Variants in TRPC7 observed in about 807,000 individuals in gnomAD.
TRPC7 encodes the protein transient receptor potential cation channel subfamily C member 7.
Under a neutral mutation model 90.1 loss-of-function variants are expected in TRPC7, and 42 were observed. The ratio of observed to expected loss-of-function variants is 0.47; its 90% CI spans 0.36 to 0.60. The LOEUF (loss-of-function observed/expected upper bound fraction) is 0.60, where lower values mean the gene tolerates loss of function less well. TRPC7 is among the 20% of genes least tolerant of loss of function. The probability of loss-of-function intolerance (pLI) is 0.00; values close to 1 mark genes in which losing one functional copy is unlikely to be tolerated. For missense variants in TRPC7, 955 were observed against 1,112.3 expected, an observed-to-expected ratio of 0.86 and a Z score of 2.01; for synonymous variants, 451 against 436.3, an observed-to-expected ratio of 1.03 and a Z score of -0.42.
chr5:136,315,947 A>T, intron 2 of TRPC7, 168 bp from the exon 3 acceptor site: 1 of 653,502 alleles, frequency 1.5e-6, no homozygotes, highest in Non-Finnish European at 2.6e-6. Flanking sequence ...AGGCGGGGCA[A>T]TTTCTCTTGA....
intron 2 of TRPC7, among the ~76,000 whole-genome samples, chr5:136,351,992 A>G (rs540932256): frequency 6.6e-6 from 1 of 152,282 alleles, no homozygotes; most frequent in Non-Finnish European, 1.5e-5. Flanking sequence ...TCAAAGGATA[A>G]ATTGCCTGTG....
rs1331308753 is a variant in TRPC7 at position 136,247,510 on chromosome 5, G to C, written c.1805C>G (p.Ser602Cys). 6.2e-7 allele frequency: 1 copy of C among 1,613,988 alleles called. No individual in the cohort carries two copies. The highest frequency in any genetic ancestry group is 1.1e-5 in the South Asian group (1 of 91,080). The change falls in exon 7 of 12, where the codon TCT becomes TGT. Residue 602 changes from serine to cysteine, a missense_variant. Transcript: ENST00000513104. The surrounding 1 kb of genome is among the most constrained non-coding windows in gnomAD (Gnocchi z 4.2). ...GTTGTATTTGGCACCTCGGTAGTAA[G>C]AGTACAGGTTGAACATCCCAATCAT... ...AFMIGMFNLY[S>C]YYRGAKYNPA...
intron 1 of TRPC7, among the ~76,000 whole-genome samples, chr5:136,361,854 G>A (rs1199365328): frequency 1.3e-5 from 2 of 152,124 alleles, no homozygotes; most frequent in Non-Finnish European, 2.9e-5. Context: ...GTCATTTGGA[G>A]TCTTCTCCTA....
intron 5 of TRPC7, among the ~76,000 whole-genome samples, chr5:136,252,097 C>G (rs1334570641): frequency 2.0e-5 from 3 of 152,190 alleles, no homozygotes; most frequent in African/African-American, 7.2e-5. Flanking sequence ...CACACTGTCT[C>G]TGCAAGTGAG....
chr5:136,355,227 A>G (rs186076657), intron 2 of TRPC7, among the ~76,000 whole-genome samples: 3 of 152,210 alleles, frequency 2.0e-5, no homozygotes, highest in African/African-American at 7.2e-5. Flanking sequence ...ATCCTTTATC[A>G]TTCAGGTAAA....
At chr5:136,349,173 G>A (rs1027709022) in intron 2 of TRPC7, among the ~76,000 whole-genome samples, 24 of 151,978 alleles carry the variant, frequency 1.6e-4, no homozygotes, top group African/African-American at 4.6e-4. Context: ...AGCCCATGTC[G>A]CCTCTCTCCA....
At chr5:136,299,131 G>A (rs573953543) in intron 3 of TRPC7, among the ~76,000 whole-genome samples, 11 of 151,990 alleles carry the variant, frequency 7.2e-5, no homozygotes, top group East Asian at 1.9e-4. Context: ...GAGAAACCCC[G>A]TCTCTACTAA....
At chr5:136,273,653 T>G (rs1757273146) in intron 4 of TRPC7, among the ~76,000 whole-genome samples, 1 of 152,186 alleles carries the variant, frequency 6.6e-6, no homozygotes, top group Admixed American at 6.5e-5. Context: ...GTTGGTTCAC[T>G]GGTGACACTT....
intron 4 of TRPC7, among the ~76,000 whole-genome samples, chr5:136,270,435 C>T (rs1757171785): frequency 6.6e-6 from 1 of 152,138 alleles, no homozygotes; most frequent in African/African-American, 2.4e-5. Context: ...CAATATATGG[C>T]ACTGGAGGGT....
At chr5:136,262,214 T>C (rs1330103644) in intron 5 of TRPC7, among the ~76,000 whole-genome samples, 2 of 152,192 alleles carry the variant, frequency 1.3e-5, no homozygotes, top group Non-Finnish European at 2.9e-5. Flanking sequence ...AGTGATCCTT[T>C]AAAAACTGAA....
At chr5:136,323,875 T>G (rs1271517614) in intron 2 of TRPC7, among the ~76,000 whole-genome samples, 1 of 152,218 alleles carries the variant, frequency 6.6e-6, no homozygotes, top group Non-Finnish European at 1.5e-5. Flanking sequence ...TCTGCTGAAC[T>G]GTGTTAAATC....
chr5:136,274,569 T>A, intron 4 of TRPC7, 104 bp downstream of exon 4: 1 of 1,234,238 alleles, frequency 8.1e-7, no homozygotes, highest in Non-Finnish European at 1.0e-6. Flanking sequence ...TTTCTTTAAA[T>A]ATGGGAAAAA....
At chr5:136,228,340 G>A (rs560276575) in intron 8 of TRPC7, among the ~76,000 whole-genome samples, 175 of 151,768 alleles carry the variant, frequency 1.2e-3, no homozygotes, top group Non-Finnish European at 1.7e-3. Flanking sequence ...AAGAGGCAGC[G>A]AGAAGTGTAA....
chr5:136,303,116 C>G (rs373406336), intron 3 of TRPC7, among the ~76,000 whole-genome samples: 2 of 152,192 alleles, frequency 1.3e-5, no homozygotes, highest in South Asian at 2.1e-4. Context: ...GCAATTTACT[C>G]GAAAAGGTGG....
rs1415185646 is a variant in TRPC7, at chr5:136,226,080, C to T, written c.2216G>A (p.Ser739Asn). 1.2e-6 allele frequency: 2 copies of T among 1,604,846 alleles called. No individual in the cohort carries two copies. Among genetic ancestry groups the T allele is most frequent in the Admixed American group, 1.7e-5 (1 of 58,960 alleles). The change falls in exon 9 of 12, where the codon AGC becomes AAC. Residue 739 changes from serine (S) to asparagine (N), a missense_variant. Around this residue, in one of 4 missense-constraint regions of TRPC7, gnomAD observed 296 missense variants for 422.7 expected, o/e 0.70. Coordinates refer to ENST00000513104, the MANE Select transcript of TRPC7 (RefSeq NM_020389.3). ...GCCCATTTCAAGGTCATTTTCACAG[C>T]TTTTGGCCTTAGATTTGCAGAGTTT... Reference protein sequence around the residue: ...LIKLCKSKAKSCENDLEMGML... With the variant: ...LIKLCKSKAKNCENDLEMGML...
chr5:136,289,841 C>T (rs1355653722), intron 3 of TRPC7, among the ~76,000 whole-genome samples: 5 of 152,224 alleles, frequency 3.3e-5, no homozygotes, highest in Non-Finnish European at 7.3e-5. Flanking sequence ...GGCAGACTGC[C>T]TCCTCAAGTG....
At chr5:136,226,641 T>A (rs1028859871) in intron 8 of TRPC7, among the ~76,000 whole-genome samples, 1 of 152,230 alleles carries the variant, frequency 6.6e-6, no homozygotes, top group Non-Finnish European at 1.5e-5. Context: ...CACAGCATTA[T>A]TGTACTTATT....
chr5:136,293,901 C>G (rs1296747798), intron 3 of TRPC7, among the ~76,000 whole-genome samples: 1 of 152,118 alleles, frequency 6.6e-6, no homozygotes, highest in African/African-American at 2.4e-5. Flanking sequence ...TACTACAAGC[C>G]TACAGTAACC....
intron 2 of TRPC7, among the ~76,000 whole-genome samples, chr5:136,320,995 A>G (rs1224413847): frequency 1.3e-5 from 2 of 151,986 alleles, no homozygotes; most frequent in Admixed American, 1.3e-4. Flanking sequence ...GAGGGCATGG[A>G]TTTTTTTCTG....
Sources: gnomAD v4.1 joint callset for allele counts (sites outside exome capture counted in the v4.1 genomes callset) on GRCh38, gnomAD v4.1.1 for gene constraint, gnomAD v4.1.1 regional missense constraint, Gnocchi (gnomAD v3.1) non-coding constraint, MANE v1.5 for transcripts, NCBI Gene and HGNC (gene_info 2026-07-23, HGNC 2026-07-21) for gene names.